The following ARHGEF17 variants were observed in gnomAD, a reference collection of about 807,000 sequenced individuals.
ARHGEF17 encodes the protein Rho guanine nucleotide exchange factor 17, also known as 164 kDa Rho-specific guanine-nucleotide exchange factor.
Under a neutral mutation model 174.0 loss-of-function variants are expected in ARHGEF17, and 80 were observed. That is an observed-to-expected ratio of 0.46 (90% CI 0.38 to 0.55). The LOEUF (loss-of-function observed/expected upper bound fraction) is 0.55. Among genes scored for constraint, ARHGEF17 ranks in the 20% least tolerant of loss-of-function variants. The pLI, the probability that ARHGEF17 is intolerant of heterozygous loss-of-function variation, is 0.00. For synonymous variants in ARHGEF17, 1,311 were observed against 1,189.1 expected (o/e 1.10, Z -2.11); for missense variants, 2,886 against 2,839.7 (o/e 1.02, Z -0.37).
At chr11:73,327,125 C>T (rs57792931) in intron 1 of ARHGEF17, among the ~76,000 whole-genome samples, 10,956 of 152,270 alleles carry the variant, frequency 0.072, 1,273 homozygotes, top group African/African-American at 0.24. Context: ...ACCTCCCACC[C>T]GGGGCCTGGA....
chr11:73,314,157 T>G (rs1864890051), intron 1 of ARHGEF17, among the ~76,000 whole-genome samples: 3 of 152,200 alleles, frequency 2.0e-5, no homozygotes, highest in Non-Finnish European at 4.4e-5. Flanking sequence ...GTCCACCCCC[T>G]CCTGGTGGCC....
intron 1 of ARHGEF17, among the ~76,000 whole-genome samples, chr11:73,317,299 C>T (rs552045688): frequency 3.8e-4 from 58 of 152,314 alleles, no homozygotes; most frequent in African/African-American, 1.3e-3. Context: ...ATGCCTCCCC[C>T]TACCCCCCAA....
intron 2 of ARHGEF17, among the ~76,000 whole-genome samples, chr11:73,350,291 C>T (rs1204037014): frequency 6.6e-6 from 1 of 152,212 alleles, no homozygotes; most frequent in African/African-American, 2.4e-5. Flanking sequence ...ATGTGCCAGG[C>T]ACTGTTCTGA....
Position 73,356,080 on chromosome 11 carries a change from C to A in ARHGEF17, c.3664-95C>A, listed in dbSNP as rs866200397. 7.8e-5 allele frequency: 123 copies of A among 1,571,634 alleles called. No homozygotes were observed. In the Middle Eastern group the frequency reaches 1.4e-3, roughly 17 times the overall value. Reference sequence around the variant, plus strand: ...CTAGGGGACAGGTAGGAAAGATAGTCCTCTTTGGTGTCTACCCATAGTCCC... The same window carrying A: ...CTAGGGGACAGGTAGGAAAGATAGTACTCTTTGGTGTCTACCCATAGTCCC... On this transcript the variant is annotated intron_variant, in intron 5 of 20. Transcript: ENST00000263674.
At chr11:73,335,322 C>G (rs544905422) in intron 1 of ARHGEF17, among the ~76,000 whole-genome samples, 1 of 152,292 alleles carries the variant, frequency 6.6e-6, no homozygotes, top group African/African-American at 2.4e-5. Flanking sequence ...ATGGGGGTGA[C>G]AGTCCCAGCC....
intron 1 of ARHGEF17, 61 bp downstream of exon 1, chr11:73,311,891 G>A (rs763067560): frequency 2.8e-5 from 42 of 1,518,140 alleles, no homozygotes; most frequent in South Asian, 3.9e-5. Context: ...CACCGACTTC[G>A]GTTGGAGCCT....
chr11:73,324,277 G>T (rs1463870929), intron 1 of ARHGEF17, among the ~76,000 whole-genome samples: 1 of 152,172 alleles, frequency 6.6e-6, no homozygotes, highest in African/African-American at 2.4e-5. Flanking sequence ...ATTCTGGTCG[G>T]GTGGATCCAC....
In ARHGEF17 at chr11:73,310,487, C is replaced by T; in HGVS notation, c.1849C>T (p.Pro617Ser). The change falls in exon 1 of 21, where the codon CCT becomes TCT. Residue 617 changes from proline to serine, a missense_variant. Transcript: ENST00000263674. ...AQQDDGSDAP[P>S]GSPDWAGDVT... ...ACAAGATGATGGAAGCGATGCCCCC[C>T]CTGGAAGCCCTGACTGGGCAGGGGA... 4 of 1,613,974 alleles carry T rather than the reference C, an allele frequency of 2.5e-6. No homozygotes were observed. Among genetic ancestry groups the T allele is most frequent in the Middle Eastern group, 1.6e-4 (1 of 6,062 alleles).
chr11:73,351,530 C>T (rs55732055), intron 2 of ARHGEF17, among the ~76,000 whole-genome samples: 1 of 152,046 alleles, frequency 6.6e-6, no homozygotes, highest in Non-Finnish European at 1.5e-5. Context: ...ATAAGAGTCT[C>T]CAGTAACTTC....
At position 73,362,109 on chromosome 11, in the gene ARHGEF17, G is replaced by A. The variant is rs962018720; in HGVS notation, c.4564G>A (p.Asp1522Asn). The change falls in exon 13 of 21, where the codon GAC becomes AAC. Residue 1522 changes from aspartate (D) to asparagine (N), a missense_variant. Asp to Asn is a conservative substitution (Grantham distance 23). Transcript: ENST00000263674. The stretch of plus-strand genomic sequence containing the variant: ...GCCTGAGGTATGGGTCTGCAACAGC[G>A]ACGGCTACGTGGGCCAGGTGTGCCT... Reference protein sequence around the residue: ...PSPEVWVCNSDGYVGQVCLLS... With the variant: ...PSPEVWVCNSNGYVGQVCLLS... 11 of 1,612,444 alleles carry A rather than the reference G, an allele frequency of 6.8e-6. No homozygotes were observed. The highest frequency in any genetic ancestry group is 8.5e-6 in the Non-Finnish European group (10 of 1,179,858).
rs1253005270 is a variant in ARHGEF17 at position 73,347,008 on chromosome 11, G to A, written c.3270+48G>A. The A allele has an allele frequency of 1.1e-5, 17 of 1,545,322 alleles. No homozygotes were observed. The East Asian group carries it at 3.5e-4, about 32-fold the overall frequency. ...CTGAGAATGGCCTTTCTGAGCCTAGGAGGCTGTCAGATGGGTGTGAGCAAA... is the reference window on the plus strand; with the variant it reads ...CTGAGAATGGCCTTTCTGAGCCTAGAAGGCTGTCAGATGGGTGTGAGCAAA... On this transcript the variant is annotated intron_variant, in intron 2 of 20. Transcript: ENST00000263674.
chr11:73,310,706 G>A lies in ARHGEF17; in HGVS notation c.2068G>A (p.Gly690Ser). Reference sequence around the variant, plus strand: ...TGGCCCTGGGACTGAGGACAGTCTGGGCGGGTGGGCCCTGGTGTCGCCTGA... The same window carrying A: ...TGGCCCTGGGACTGAGGACAGTCTGAGCGGGTGGGCCCTGGTGTCGCCTGA... ...HHGPGTEDSL[G>S]GWALVSPETP... is the part of the protein sequence containing the mutation. The change falls in exon 1 of 21, where the codon GGC becomes AGC. Residue 690 changes from glycine to serine, a missense_variant. Around this residue, in one of 4 missense-constraint regions of ARHGEF17, gnomAD observed 1,728 missense variants for 1,461.2 expected, o/e 1.18. Coordinates refer to ENST00000263674, the MANE Select transcript of ARHGEF17 (RefSeq NM_014786.4). The A allele has an allele frequency of 6.2e-7, 1 of 1,613,336 alleles. No homozygotes were observed. The highest frequency in any genetic ancestry group is 8.5e-7 in the Non-Finnish European group (1 of 1,179,850).
chr11:73,355,203 C>T (rs930547524), intron 3 of ARHGEF17, among the ~76,000 whole-genome samples: 5 of 152,138 alleles, frequency 3.3e-5, no homozygotes, highest in African/African-American at 4.8e-5. Flanking sequence ...GGCTGGACTT[C>T]GTGAGGGTGG....
chr11:73,347,168 GC>G, intron 2 of ARHGEF17: 1 of 679,510 alleles, frequency 1.5e-6, no homozygotes, highest in Non-Finnish European at 2.7e-6. Flanking sequence ...ATGCAGAGGG[GC>G]CAGGCCACCC....
Position 73,318,276 on chromosome 11 carries a change from G to A in ARHGEF17, c.3192+6446G>A, listed in dbSNP as rs927857630. On this transcript the variant is annotated intron_variant, in intron 1 of 20. Transcript: ENST00000263674. ...CCAGATAGGGTCTTTTTCCACACTTGTGGCAGGCTGTGGTGCTCACTGTGG... is the reference window on the plus strand; with the variant it reads ...CCAGATAGGGTCTTTTTCCACACTTATGGCAGGCTGTGGTGCTCACTGTGG... Among the ~76,000 whole-genome samples, 6 of 151,386 alleles carry A rather than the reference G, an allele frequency of 4.0e-5. No homozygotes were observed. In the East Asian group the frequency reaches 1.2e-3, roughly 29 times the overall value.
At chr11:73,362,836 A>G (rs1298577862) in intron 14 of ARHGEF17, 102 bp downstream of exon 14, 4 of 1,390,936 alleles carry the variant, frequency 2.9e-6, no homozygotes, top group Non-Finnish European at 3.9e-6. Flanking sequence ...GCATGGCGTC[A>G]GACCTCAGGA....
At position 73,353,024 on chromosome 11, in the gene ARHGEF17, C is replaced by T. The variant is rs555353321; in HGVS notation, c.3453+12C>T. On this transcript the variant is annotated intron_variant, in intron 3 of 20. Coordinates refer to ENST00000263674, the MANE Select transcript of ARHGEF17 (RefSeq NM_014786.4). ...TGCTCGTCCAGTCGGTGAGTGGCCCCGCTGCTGCCAATTCCCACAAGCACA... is the reference window on the plus strand; with the variant it reads ...TGCTCGTCCAGTCGGTGAGTGGCCCTGCTGCTGCCAATTCCCACAAGCACA... 30 of 1,612,628 alleles carry T rather than the reference C, an allele frequency of 1.9e-5. No individual in the cohort carries two copies. Among genetic ancestry groups the T allele is most frequent in the Middle Eastern group, 1.7e-4 (1 of 5,848 alleles).
intron 1 of ARHGEF17, among the ~76,000 whole-genome samples, chr11:73,316,098 G>C (rs1864925377): frequency 6.6e-6 from 1 of 152,312 alleles, no homozygotes; most frequent in East Asian, 1.9e-4. Context: ...ACTGGCCGAG[G>C]GACTTCCTAG....
intron 14 of ARHGEF17, 74 bp from the exon 15 acceptor site, chr11:73,363,132 T>C: frequency 6.9e-7 from 1 of 1,451,380 alleles, no homozygotes; most frequent in Middle Eastern, 1.9e-4. Context: ...CCAGGAGGGA[T>C]GCATGGCCTA....
Sources: allele counts gnomAD v4.1 joint callset (sites outside exome capture counted in the v4.1 genomes callset), GRCh38; gene constraint gnomAD v4.1.1; regional missense constraint gnomAD v4.1.1; transcripts MANE v1.5; gene names NCBI Gene and HGNC (gene_info 2026-07-23, HGNC 2026-07-21).